The following GRM7 variants were observed in gnomAD, a reference collection of about 807,000 sequenced individuals.
GRM7 encodes the protein metabotropic glutamate receptor 7.
In GRM7, 35 loss-of-function variants were observed where a neutral mutation model predicts 84.5. That is an observed-to-expected ratio of 0.41 (90% CI 0.32 to 0.55). The LOEUF (loss-of-function observed/expected upper bound fraction) is 0.55. Ranked by LOEUF, GRM7 falls within the 20% of genes least tolerant of loss-of-function variation. The probability of loss-of-function intolerance (pLI) is 0.19; values close to 1 mark genes in which losing one functional copy is unlikely to be tolerated. For missense variants in GRM7, 1,003 were observed against 1,194.6 expected, an observed-to-expected ratio of 0.84 and a Z score of 2.36; for synonymous variants, 487 against 455.1, an observed-to-expected ratio of 1.07 and a Z score of -0.89.
chr3:7,204,636 C>T (rs1428714703), intron 2 of GRM7, among the ~76,000 whole-genome samples: 7 of 152,296 alleles, frequency 4.6e-5, no homozygotes, highest in Non-Finnish European at 1.0e-4. Flanking sequence ...GGGCAAATAA[C>T]CACTGCAGAA....
intron 2 of GRM7, among the ~76,000 whole-genome samples, chr3:7,230,673 C>G (rs1000945256): frequency 6.6e-6 from 1 of 152,104 alleles, no homozygotes. Context: ...TTCAAAGAGA[C>G]TTTGTTTGTA....
At chr3:7,454,573 C>A (rs1697924891) in intron 6 of GRM7, among the ~76,000 whole-genome samples, 1 of 151,942 alleles carries the variant, frequency 6.6e-6, no homozygotes, top group Non-Finnish European at 1.5e-5. Context: ...TAACTGTACA[C>A]ATATATTAGA....
At chr3:6,919,550 A>G (rs1211148899) in intron 1 of GRM7, among the ~76,000 whole-genome samples, 2 of 148,464 alleles carry the variant, frequency 1.3e-5, no homozygotes, top group Non-Finnish European at 3.0e-5. Context: ...GTAGAAAAAC[A>G]TTATTGTATT....
At chr3:7,707,256 A>G (rs560413735) in intron 9 of GRM7, among the ~76,000 whole-genome samples, 1 of 152,258 alleles carries the variant, frequency 6.6e-6, no homozygotes, top group Admixed American at 6.5e-5. Context: ...TCTTGAGAAG[A>G]CTGACAAAAA....
At chr3:6,919,080 C>A (rs1441729688) in intron 1 of GRM7, among the ~76,000 whole-genome samples, 2 of 152,206 alleles carry the variant, frequency 1.3e-5, no homozygotes, top group Non-Finnish European at 2.9e-5. Flanking sequence ...TCAGGCAGAT[C>A]TTACTTTTTG....
chr3:7,360,921 C>T (rs1027308524), intron 4 of GRM7, among the ~76,000 whole-genome samples: 7 of 152,018 alleles, frequency 4.6e-5, no homozygotes, highest in Non-Finnish European at 7.4e-5. Flanking sequence ...GGTTTTCCTG[C>T]ATTCATGTTT....
intron 9 of GRM7, among the ~76,000 whole-genome samples, chr3:7,706,392 G>A (rs1701388874): frequency 6.6e-6 from 1 of 152,142 alleles, no homozygotes. Context: ...ATTTAGGCAA[G>A]CTGCAAACTT....
chr3:7,734,819 G>C (rs1162804642), intron 9 of GRM7, among the ~76,000 whole-genome samples: 2 of 152,194 alleles, frequency 1.3e-5, no homozygotes, highest in African/African-American at 2.4e-5. Flanking sequence ...GTTGAGGAAT[G>C]TGCTAAACTG....
chr3:7,411,493 A>C (rs1269795320), intron 4 of GRM7, among the ~76,000 whole-genome samples: 1 of 152,124 alleles, frequency 6.6e-6, no homozygotes, highest in Admixed American at 6.6e-5. Flanking sequence ...TTTTTTTTAG[A>C]ATATCCTACT....
At chr3:7,196,496 CAG>C (rs1491363413) in intron 2 of GRM7, among the ~76,000 whole-genome samples, 1 of 152,136 alleles carries the variant, frequency 6.6e-6, no homozygotes, top group African/African-American at 2.4e-5. Context: ...GCTTCAAAGA[CAG>C]GGACCGTCTT....
intron 1 of GRM7, among the ~76,000 whole-genome samples, chr3:6,904,875 C>T (rs1696512416): frequency 6.6e-6 from 1 of 151,888 alleles, no homozygotes; most frequent in Non-Finnish European, 1.5e-5. Context: ...CACATAGCAC[C>T]CTCCTTGGAT....
At chr3:6,965,079 A>G (rs1693462996) in intron 1 of GRM7, among the ~76,000 whole-genome samples, 1 of 152,172 alleles carries the variant, frequency 6.6e-6, no homozygotes, top group East Asian at 1.9e-4. Flanking sequence ...AAAGGTCAAG[A>G]GCTGGGTGAC....
At chr3:7,157,561 C>T (rs898138025) in intron 2 of GRM7, among the ~76,000 whole-genome samples, 9 of 151,796 alleles carry the variant, frequency 5.9e-5, no homozygotes, top group Admixed American at 3.3e-4. Context: ...TTAAAATACA[C>T]GTAGAGGACT....
At chr3:6,958,112 C>T (rs570050372) in intron 1 of GRM7, among the ~76,000 whole-genome samples, 113 of 152,080 alleles carry the variant, frequency 7.4e-4, no homozygotes, top group African/African-American at 2.5e-3. Flanking sequence ...TATATACCCA[C>T]TAGCCATCAT....
rs373697841 is a variant in GRM7, at chr3:7,599,861, TG to T, written c.2451+20510del. 2.8e-4 allele frequency among the ~76,000 whole-genome samples: 43 copies of T among 151,960 alleles called. No homozygotes were observed. In the East Asian group the frequency reaches 7.6e-3, roughly 27 times the overall value. ...TTTCAGACTCAGATGTACACGGTCG[TG>T]GGGGGTGGGGTTACTAGTGAGGACA... is the stretch of plus-strand genomic sequence containing the variant. On this transcript the variant is annotated intron_variant, in intron 8 of 9. Coordinates refer to ENST00000357716, the MANE Select transcript of GRM7 (RefSeq NM_000844.4).
chr3:7,682,562 ACACACACAC>A (rs964379671), intron 9 of GRM7, among the ~76,000 whole-genome samples: 18 of 99,730 alleles, frequency 1.8e-4, no homozygotes, highest in African/African-American at 6.0e-4. Context: ...ACACACACAC[ACACACACAC>A]ATTTAACTAG....
rs1228122328 is a variant in GRM7, at chr3:7,578,925, C to G, written c.2019C>G (p.Leu673=). ...GTATGTGCATCAGTTATGCAGCCCT[C>G]TTGACGAAAACAAATCGGATTTATC... is the stretch of plus-strand genomic sequence containing the variant. ...GLGMCISYAA[L]LTKTNRIYRI... is the part of the protein sequence containing the mutation. The change falls in exon 8 of 10, where the codon CTC becomes CTG. Residue 673 remains leucine (L), a synonymous_variant. Coordinates refer to ENST00000357716, the MANE Select transcript of GRM7 (RefSeq NM_000844.4). 1 of 1,614,134 alleles carries G rather than the reference C, an allele frequency of 6.2e-7. No individual in the cohort carries two copies. The highest frequency in any genetic ancestry group is 1.6e-4 in the Middle Eastern group (1 of 6,062).
intron 1 of GRM7, among the ~76,000 whole-genome samples, chr3:7,131,267 T>C (rs1693589300): frequency 6.6e-6 from 1 of 152,104 alleles, no homozygotes. Flanking sequence ...AATGGAACCA[T>C]GAAAACCTTT....
intron 9 of GRM7, among the ~76,000 whole-genome samples, chr3:7,731,940 C>T (rs1702346682): frequency 6.6e-6 from 1 of 152,100 alleles, no homozygotes; most frequent in Non-Finnish European, 1.5e-5. Context: ...CCACTCCCAC[C>T]CCTTCCCTTA....
Sources: gnomAD v4.1 joint callset for allele counts (sites outside exome capture counted in the v4.1 genomes callset) on GRCh38, gnomAD v4.1.1 for gene constraint, MANE v1.5 for transcripts, NCBI Gene and HGNC (gene_info 2026-07-23, HGNC 2026-07-21) for gene names.